Variants in POGZ observed in about 807,000 individuals in gnomAD.
POGZ encodes the protein pogo transposable element derived with ZNF domain.
Under a neutral mutation model 134.6 loss-of-function variants are expected in POGZ, and 17 were observed. That is an observed-to-expected ratio of 0.13 (90% CI 0.09 to 0.19). The LOEUF (loss-of-function observed/expected upper bound fraction) is 0.19, where lower values mean the gene tolerates loss of function less well. Among genes scored for constraint, POGZ ranks in the 10% least tolerant of loss-of-function variants. The pLI is 1.00. For missense variants in POGZ, 1,306 were observed against 1,769.7 expected (o/e 0.74, Z 4.70); for synonymous variants, 693 against 657.1 (o/e 1.05, Z -0.84).
chr1:151,457,382 G>A (rs1235088401), intron 1 of POGZ, among the ~76,000 whole-genome samples: 2 of 152,128 alleles, frequency 1.3e-5, no homozygotes, highest in Non-Finnish European at 2.9e-5. Context: ...ATTTGAAAAT[G>A]TAAAGATGAC....
At chr1:151,438,588 A>C (rs930482757) in intron 3 of POGZ, among the ~76,000 whole-genome samples, 2 of 152,212 alleles carry the variant, frequency 1.3e-5, no homozygotes, top group Non-Finnish European at 2.9e-5. Flanking sequence ...CAAGATGCTC[A>C]GCTGGCCTGG....
At chr1:151,451,327 T>G (rs1218682978) in intron 1 of POGZ, among the ~76,000 whole-genome samples, 1 of 148,496 alleles carries the variant, frequency 6.7e-6, no homozygotes, top group Non-Finnish European at 1.5e-5. Flanking sequence ...TTTATTTTAT[T>G]TTTTTTTAAA....
At chr1:151,425,457 GT>G (rs772620436) in intron 7 of POGZ, among the ~76,000 whole-genome samples, 2 of 151,704 alleles carry the variant, frequency 1.3e-5, no homozygotes, top group Non-Finnish European at 2.9e-5. Context: ...TAAGGTTTTT[GT>G]TTTTTTTAAT....
rs372063540 is a variant in POGZ at position 151,405,373 on chromosome 1, C to T, written c.3662G>A (p.Arg1221His). Residue 1221 changes from arginine to histidine, a missense_variant, in exon 19 of 19, where the codon CGC (arginine) becomes CAC (histidine). Physicochemically the swap from Arg to His is conservative, Grantham distance 29. Coordinates refer to ENST00000271715, the MANE Select transcript of POGZ (RefSeq NM_015100.4). The surrounding 1 kb of genome is among the most constrained non-coding windows in gnomAD (Gnocchi z 4.9). Reference protein sequence around the residue: ...RVWQKHTACQRSKGMLVMDCH... With the variant: ...RVWQKHTACQHSKGMLVMDCH... ...GTCCATCACAAGCATGCCTTTGCTG[C>T]GCTGGCAAGCTGTGTGCTTCTGCCA... 1.5e-5 allele frequency: 25 copies of T among 1,613,810 alleles called. No individual in the cohort carries two copies. The highest frequency in any genetic ancestry group is 2.2e-5 in the South Asian group (2 of 91,052).
chr1:151,458,832 G>A (rs1251293861), intron 1 of POGZ, among the ~76,000 whole-genome samples: 1 of 145,554 alleles, frequency 6.9e-6, no homozygotes. Flanking sequence ...CGCCGCGGCG[G>A]GCGCCGGGGG....
At position 151,430,769 on chromosome 1, in the gene POGZ, G is replaced by A. The variant is rs1320649447; in HGVS notation, c.356C>T (p.Thr119Ile). The stretch of plus-strand genomic sequence containing the variant: ...CCTCAATACTGGTTGAGTAACCATT[G>A]TGCCCAGACCTGGGGCTGGATTCTG... ...LTQNPAPGLGTMVTQPVLRPV... is the reference protein window; with the variant it reads ...LTQNPAPGLGIMVTQPVLRPV... The change falls in exon 4 of 19, where the codon ACA becomes ATA. Residue 119 changes from threonine (T) to isoleucine (I), a missense_variant. Coordinates refer to ENST00000271715, the MANE Select transcript of POGZ (RefSeq NM_015100.4). 1 of 1,602,400 alleles carries A rather than the reference G, an allele frequency of 6.2e-7. No individual in the cohort carries two copies. Among genetic ancestry groups the A allele is most frequent in the Non-Finnish European group, 8.5e-7 (1 of 1,175,108 alleles).
At chr1:151,433,837 G>T (rs1426648966) in intron 3 of POGZ, among the ~76,000 whole-genome samples, 1 of 151,968 alleles carries the variant, frequency 6.6e-6, no homozygotes, top group Non-Finnish European at 1.5e-5. Flanking sequence ...ATTTCCAGAG[G>T]ATGAAACAGG....
intron 15 of POGZ, 68 bp downstream of exon 15, chr1:151,408,018 AAAAAAAAAAAAAAG>A (rs1653979392): frequency 1.0e-6 from 1 of 991,512 alleles, no homozygotes; most frequent in Middle Eastern, 3.1e-4. Flanking sequence ...TCTTCAAAAA[AAAAAAAAAAAAAAG>A]AAGAAGAAGA....
At chr1:151,449,982 C>A (rs1175630084) in intron 1 of POGZ, among the ~76,000 whole-genome samples, 1 of 143,960 alleles carries the variant, frequency 6.9e-6, no homozygotes, top group African/African-American at 2.6e-5. Flanking sequence ...CCATATATAT[C>A]TAGTCTGTTT....
rs937135221 is a variant in POGZ, at chr1:151,404,934, G to A, written c.4101C>T (p.Ser1367=). The part of the protein sequence containing the change: ...LKLSGEHSES[S]TPRPRSSPEE... The stretch of plus-strand genomic sequence containing the variant: ...CAGGAGATGATCTGGGTCGTGGAGT[G>A]GAAGACTCAGAATGTTCCCCACTCA... Residue 1367 remains serine, a synonymous_variant, in exon 19 of 19, where the codon TCC becomes TCT. Transcript: ENST00000271715. 3 of 1,614,094 alleles carry A rather than the reference G, an allele frequency of 1.9e-6. No individual in the cohort carries two copies. Among genetic ancestry groups the A allele is most frequent in the Non-Finnish European group, 8.5e-7 (1 of 1,180,046 alleles).
At chr1:151,447,716 C>T (rs1465008490) in intron 1 of POGZ, among the ~76,000 whole-genome samples, 2 of 139,054 alleles carry the variant, frequency 1.4e-5, no homozygotes, top group African/African-American at 2.7e-5. Flanking sequence ...TCTCAAACTC[C>T]TGGACTCAAG....
At chr1:151,417,127 G>A (rs1233335963) in intron 10 of POGZ, among the ~76,000 whole-genome samples, 8 of 151,002 alleles carry the variant, frequency 5.3e-5, no homozygotes, top group Non-Finnish European at 1.0e-4. Context: ...GCAATGGTGC[G>A]ATCTCAGCTC....
At chr1:151,450,901 T>C (rs969069743) in intron 1 of POGZ, 3 of 152,052 alleles carry the variant, frequency 2.0e-5, no homozygotes, top group East Asian at 3.9e-4. Context: ...TATGTTTAAA[T>C]AGAAAAACCT....
intron 1 of POGZ, among the ~76,000 whole-genome samples, chr1:151,458,436 A>C (rs1663033498): frequency 2.6e-5 from 4 of 152,048 alleles, no homozygotes; most frequent in Non-Finnish European, 5.9e-5. Flanking sequence ...GCTGCAGTGC[A>C]CTAAGGCTTA....
chr1:151,433,476 C>T (rs551861045), intron 3 of POGZ, among the ~76,000 whole-genome samples: 22 of 151,996 alleles, frequency 1.4e-4, no homozygotes, highest in African/African-American at 5.1e-4. Context: ...GGCGTAGTGG[C>T]GCATGCCTGT....
rs913915571 is a variant in POGZ at position 151,404,307 on chromosome 1, A to C, written c.*495T>G. 27 of 984,796 alleles carry C rather than the reference A, an allele frequency of 2.7e-5. No individual in the cohort carries two copies. Among genetic ancestry groups the C allele is most frequent in the Non-Finnish European group, 3.1e-5 (26 of 829,034 alleles). The allele number at this position is 984,796 out of a possible 1,614,324, so 61.0% of individuals were successfully genotyped here. A position where few individuals can be genotyped will look rare whatever the true frequency, so the allele number is the denominator to read the frequency against. ...TATATAATAAACCAGTTTGTGAGCTACATAATTTGTCTTTCCCATCTTCAG... is the reference window on the plus strand; with the variant it reads ...TATATAATAAACCAGTTTGTGAGCTCCATAATTTGTCTTTCCCATCTTCAG... On this transcript the variant is annotated 3_prime_UTR_variant, in exon 19 of 19. Transcript: ENST00000271715.
chr1:151,440,847 C>T (rs1660414762), intron 3 of POGZ, 81 bp downstream of exon 3: 2 of 1,148,254 alleles, frequency 1.7e-6, no homozygotes. Context: ...CCTAACTAAA[C>T]AGGTAGGGCT....
At chr1:151,446,561 G>A (rs1661304966) in intron 1 of POGZ, among the ~76,000 whole-genome samples, 1 of 151,938 alleles carries the variant, frequency 6.6e-6, no homozygotes, top group South Asian at 2.1e-4. Flanking sequence ...TTCGAGACTA[G>A]CCTGGCTAAC....
intron 12 of POGZ, among the ~76,000 whole-genome samples, chr1:151,411,174 CCCTG>C (rs1316606024): frequency 6.6e-6 from 1 of 152,192 alleles, no homozygotes; most frequent in Non-Finnish European, 1.5e-5. Context: ...CATGATCTGT[CCCTG>C]CCTAACTTCC....
Sources: gnomAD v4.1 joint callset for allele counts (sites outside exome capture counted in the v4.1 genomes callset) on GRCh38, gnomAD v4.1.1 for gene constraint, Gnocchi (gnomAD v3.1) non-coding constraint, MANE v1.5 for transcripts, NCBI Gene and HGNC (gene_info 2026-07-23, HGNC 2026-07-21) for gene names.